NAP1L1: variants seen among roughly 807,000 people sequenced by gnomAD.
NAP1L1 encodes nucleosome assembly protein 1-like 1.
A neutral mutation model predicts 58.9 loss-of-function variants in NAP1L1; 9 were observed. The ratio of observed to expected loss-of-function variants is 0.15; its 90% CI spans 0.09 to 0.27. NAP1L1 has a LOEUF of 0.27. Ranked by LOEUF, NAP1L1 falls within the 10% of genes least tolerant of loss-of-function variation. The probability of loss-of-function intolerance (pLI) is 1.00; values close to 1 mark genes in which losing one functional copy is unlikely to be tolerated. For missense variants in NAP1L1, 302 were observed against 458.8 expected (o/e 0.66, Z 3.12); for synonymous variants, 130 against 138.3 (o/e 0.94, Z 0.42).
intron 1 of NAP1L1, among the ~76,000 whole-genome samples, chr12:76,080,201 C>T (rs1950348076): frequency 6.6e-6 from 1 of 152,148 alleles, no homozygotes; most frequent in South Asian, 2.1e-4. Context: ...ATTCCTATTG[C>T]CTAGTAATGT....
In NAP1L1 at chr12:76,043,409, C is replaced by A. The variant is rs1948569572; in HGVS notation, c.*5020G>T. ...GCGTGGTGGCACGTGCCTGTGATAC[C>A]AGCTACTCGAGAGGCTGATTGCAGC... is the stretch of plus-strand genomic sequence containing the variant. On this transcript the variant is annotated 3_prime_UTR_variant, in exon 15 of 15. Coordinates refer to ENST00000618691, the MANE Select transcript of NAP1L1 (RefSeq NM_004537.7). The A allele has an allele frequency of 6.8e-6, 1 of 147,768 alleles. No homozygotes were observed. The highest frequency in any genetic ancestry group is 2.5e-5 in the African/African-American group (1 of 39,630). 9.2% of individuals were successfully genotyped at this position (147,768 alleles called of 1,614,324 possible).
chr12:76,062,698 A>G (rs1293886418), intron 4 of NAP1L1, among the ~76,000 whole-genome samples: 1 of 152,236 alleles, frequency 6.6e-6, no homozygotes, highest in Non-Finnish European at 1.5e-5. Flanking sequence ...ACCAGAAGGC[A>G]GCATGAAAGA....
intron 12 of NAP1L1, 39 bp downstream of exon 12, chr12:76,050,492 T>C: frequency 6.3e-7 from 1 of 1,584,276 alleles, no homozygotes. Context: ...CACTATACCC[T>C]CAACCAATTA....
At position 76,044,586 on chromosome 12, in the gene NAP1L1, T is replaced by C. The variant is rs563723558; in HGVS notation, c.*3843A>G. ...CACTGTAAGTCAAAAATATCATAAGTAGAAGATGTGTTTAATACTCCAATA... is the reference window on the plus strand; with the variant it reads ...CACTGTAAGTCAAAAATATCATAAGCAGAAGATGTGTTTAATACTCCAATA... On this transcript the variant is annotated 3_prime_UTR_variant, in exon 15 of 15. Transcript: ENST00000618691. The C allele has an allele frequency of 2.0e-5, 3 of 152,260 alleles. No homozygotes were observed. Among genetic ancestry groups the C allele is most frequent in the African/African-American group, 7.2e-5 (3 of 41,540 alleles). The allele number at this position is 152,260 out of a possible 1,614,324, so 9.4% of individuals were successfully genotyped here.
At chr12:76,082,225 C>G (rs147026646) in intron 1 of NAP1L1, among the ~76,000 whole-genome samples, 60 of 152,152 alleles carry the variant, frequency 3.9e-4, no homozygotes, top group Admixed American at 2.0e-3. Flanking sequence ...CTTCTTTAGC[C>G]CCTTCTACAA....
At chr12:76,069,897 A>T (rs1193236782) in intron 2 of NAP1L1, among the ~76,000 whole-genome samples, 1 of 152,178 alleles carries the variant, frequency 6.6e-6, no homozygotes, top group Non-Finnish European at 1.5e-5. Flanking sequence ...GAAAATAAGG[A>T]TTCCTAAGTC....
In NAP1L1 at chr12:76,041,050, A is replaced by C. The variant is rs1948546592; in HGVS notation, c.*7379T>G. On this transcript the variant is annotated 3_prime_UTR_variant, in exon 15 of 15. Transcript: ENST00000618691. ...AGCTGGGGCCCCTAGCCCCTGCATT[A>C]TGAAAGAGCTAACTGTATACACAAT... 1 of 152,236 alleles carries C rather than the reference A, an allele frequency of 6.6e-6. No homozygotes were observed. The highest frequency in any genetic ancestry group is 1.9e-4 in the East Asian group (1 of 5,192). 9.4% of individuals were successfully genotyped at this position (152,236 alleles called of 1,614,324 possible). A position where few individuals can be genotyped will look rare whatever the true frequency, so the allele number is the denominator to read the frequency against.
At chr12:76,050,679 G>A (rs1948774100) in intron 11 of NAP1L1, 26 bp from the exon 12 acceptor site, 3 of 1,590,270 alleles carry the variant, frequency 1.9e-6, no homozygotes, top group Admixed American at 1.8e-5. Context: ...AACAAAAGCA[G>A]AAAATTTAGG....
intron 4 of NAP1L1, among the ~76,000 whole-genome samples, chr12:76,066,325 G>A (rs1337059234): frequency 6.6e-6 from 1 of 151,932 alleles, no homozygotes; most frequent in Non-Finnish European, 1.5e-5. Context: ...AAAAGTACAA[G>A]CCCTAGGGCA....
chr12:76,083,152 CA>C (rs1950471524), intron 1 of NAP1L1, among the ~76,000 whole-genome samples: 1 of 152,260 alleles, frequency 6.6e-6, no homozygotes, highest in East Asian at 1.9e-4. Context: ...CCTACACTGC[CA>C]TCCCCCAGAT....
intron 3 of NAP1L1, among the ~76,000 whole-genome samples, chr12:76,067,770 TTTAA>T (rs1420415482): frequency 3.3e-5 from 5 of 152,186 alleles, no homozygotes; most frequent in South Asian, 2.1e-4. Flanking sequence ...CACCTTGCAT[TTTAA>T]GAAGCTCAAA....
At position 76,045,581 on chromosome 12, in the gene NAP1L1, T is replaced by C. The variant is rs1948593335; in HGVS notation, c.*2848A>G. ...GAGGTAGAATCCCATTTTTCTTAAG[T>C]ACCACTCTACAAGCCAGTTCCACAC... is the stretch of plus-strand genomic sequence containing the variant. On this transcript the variant is annotated 3_prime_UTR_variant, in exon 15 of 15. Coordinates refer to ENST00000618691, the MANE Select transcript of NAP1L1 (RefSeq NM_004537.7). 6.6e-6 allele frequency: 1 copy of C among 152,072 alleles called. No individual in the cohort carries two copies. The highest frequency in any genetic ancestry group is 2.4e-5 in the African/African-American group (1 of 41,442). The allele number at this position is 152,072 out of a possible 1,614,324, so 9.4% of individuals were successfully genotyped here.
At position 76,045,270 on chromosome 12, in the gene NAP1L1, G is replaced by GT. The variant is rs1331698000; in HGVS notation, c.*3158dup. On this transcript the variant is annotated 3_prime_UTR_variant, in exon 15 of 15. Coordinates refer to ENST00000618691, the MANE Select transcript of NAP1L1 (RefSeq NM_004537.7). ...CAAAAATATAAAGGCTTAAATTTTT[G>GT]TAAGACTAACCCATAAAAAAGGACT... 2.6e-5 allele frequency: 4 copies of GT among 151,940 alleles called. No individual in the cohort carries two copies. The highest frequency in any genetic ancestry group is 1.9e-4 in the East Asian group (1 of 5,200). 9.4% of individuals were successfully genotyped at this position (151,940 alleles called of 1,614,324 possible).
chr12:76,045,815 T>C lies in NAP1L1; in HGVS notation c.*2614A>G, dbSNP rs1251634839. The C allele has an allele frequency of 6.6e-6, 1 of 152,068 alleles. No homozygotes were observed. Among genetic ancestry groups the C allele is most frequent in the Non-Finnish European group, 1.5e-5 (1 of 67,914 alleles). The allele number at this position is 152,068 out of a possible 1,614,324, so 9.4% of individuals were successfully genotyped here. A position where few individuals can be genotyped will look rare whatever the true frequency, so the allele number is the denominator to read the frequency against. ...AATTTTTTCATATCAGTTTTCTTTATAAGTGATTATATGATATTTCACCAT... is the reference window on the plus strand; with the variant it reads ...AATTTTTTCATATCAGTTTTCTTTACAAGTGATTATATGATATTTCACCAT... On this transcript the variant is annotated 3_prime_UTR_variant, in exon 15 of 15. Coordinates refer to ENST00000618691, the MANE Select transcript of NAP1L1 (RefSeq NM_004537.7).
chr12:76,059,946 C>A, intron 5 of NAP1L1, 68 bp from the exon 6 acceptor site: 1 of 1,329,936 alleles, frequency 7.5e-7, no homozygotes, highest in South Asian at 1.3e-5. Context: ...AGTGGTTTCT[C>A]ACTAAGAAGT....
chr12:76,050,675 A>C, intron 11 of NAP1L1, 22 bp from the exon 12 acceptor site: 1 of 1,592,030 alleles, frequency 6.3e-7, no homozygotes, highest in Non-Finnish European at 8.5e-7. Flanking sequence ...GGAAAACAAA[A>C]GCAGAAAATT....
chr12:76,081,512 C>T (rs1001305905), intron 1 of NAP1L1, among the ~76,000 whole-genome samples: 3 of 152,124 alleles, frequency 2.0e-5, no homozygotes, highest in Admixed American at 6.5e-5. Flanking sequence ...AAGGCAAAAT[C>T]GCTTGAGGTG....
At chr12:76,070,915 A>T (rs1949925229) in intron 2 of NAP1L1, among the ~76,000 whole-genome samples, 1 of 152,206 alleles carries the variant, frequency 6.6e-6, no homozygotes, top group Non-Finnish European at 1.5e-5. Flanking sequence ...TCATGCCTAC[A>T]ATCCCAACAT....
At chr12:76,079,741 TG>T (rs1483770763) in intron 1 of NAP1L1, among the ~76,000 whole-genome samples, 1 of 151,374 alleles carries the variant, frequency 6.6e-6, no homozygotes, top group African/African-American at 2.4e-5. Flanking sequence ...TATAGTGCAG[TG>T]GCGTGATCAC....
Sources: gnomAD v4.1 joint callset for allele counts (sites outside exome capture counted in the v4.1 genomes callset) on GRCh38, gnomAD v4.1.1 for gene constraint, MANE v1.5 for transcripts, NCBI Gene and HGNC (gene_info 2026-07-23, HGNC 2026-07-21) for gene names.